COG5: variants seen among roughly 807,000 people sequenced by gnomAD.
COG5 encodes conserved oligomeric Golgi complex subunit 5.
In COG5, 86 loss-of-function variants were observed where a neutral mutation model predicts 110.4. The observed-to-expected ratio is 0.78, with a 90% CI of 0.65 to 0.93. COG5 has a LOEUF of 0.93. COG5 is among the 40% of genes least tolerant of loss of function. The pLI is 0.00. For missense variants in COG5, 1,077 were observed against 987.0 expected, an observed-to-expected ratio of 1.09 and a Z score of -1.22; for synonymous variants, 360 against 334.6, an observed-to-expected ratio of 1.08 and a Z score of -0.83.
At chr7:107,305,170 A>T (rs750601179) in intron 11 of COG5, among the ~76,000 whole-genome samples, 5 of 152,220 alleles carry the variant, frequency 3.3e-5, no homozygotes, top group Non-Finnish European at 7.3e-5. Context: ...CAGATAGAAG[A>T]AACAGCAAAT....
At chr7:107,411,874 T>A (rs79644405) in intron 7 of COG5, among the ~76,000 whole-genome samples, 2,308 of 152,224 alleles carry the variant, frequency 0.015, 63 homozygotes, top group African/African-American at 0.051. Context: ...TATCTGGGTA[T>A]AATACAAGGG....
chr7:107,254,340 C>A (rs1015599843), intron 16 of COG5, among the ~76,000 whole-genome samples: 4 of 152,022 alleles, frequency 2.6e-5, no homozygotes, highest in African/African-American at 9.7e-5. Context: ...TATTAAATTT[C>A]CAACAATTTT....
chr7:107,221,138 G>A (rs1799893360), intron 19 of COG5, among the ~76,000 whole-genome samples: 1 of 152,014 alleles, frequency 6.6e-6, no homozygotes. Flanking sequence ...CTTCTGTCCT[G>A]CTGTCCCTGG....
intron 6 of COG5, among the ~76,000 whole-genome samples, chr7:107,506,215 C>T (rs923965663): frequency 1.3e-5 from 2 of 152,130 alleles, no homozygotes; most frequent in Non-Finnish European, 2.9e-5. Flanking sequence ...TGTTAGTTGG[C>T]CTCCAGCCAG....
Position 107,415,927 on chromosome 7 carries a change from C to T in COG5, c.539-3295G>A, listed in dbSNP as rs377160965. Among the ~76,000 whole-genome samples, 180 of 76,700 alleles carry T rather than the reference C, an allele frequency of 2.3e-3. 38 individuals are homozygous for T. Among genetic ancestry groups the T allele is most frequent in the African/African-American group, 7.8e-3 (163 of 20,814 alleles). 50.3% of individuals were successfully genotyped at this position (76,700 alleles called of 152,430 possible). ...GTATGTATGTATGTGTGTGTATATA[C>T]ACACACATACACGTATGTATGTATG... On this transcript the variant is annotated intron_variant, in intron 6 of 21. Coordinates refer to ENST00000297135, the MANE Select transcript of COG5 (RefSeq NM_006348.5).
At chr7:107,541,523 A>AAAAAATATATATAT (rs60423657) in intron 5 of COG5, among the ~76,000 whole-genome samples, 14 of 57,012 alleles carry the variant, frequency 2.5e-4, no homozygotes, top group East Asian at 5.2e-4. Flanking sequence ...AAAAAAAAAA[A>AAAAAATATATATAT]ATATATATAT....
chr7:107,292,209 T>C (rs1806233210), intron 12 of COG5, among the ~76,000 whole-genome samples: 1 of 152,114 alleles, frequency 6.6e-6, no homozygotes, highest in African/African-American at 2.4e-5. Context: ...GTTAACTTTT[T>C]TATTTTTTGT....
intron 7 of COG5, among the ~76,000 whole-genome samples, chr7:107,377,816 A>C (rs532615757): frequency 6.6e-6 from 1 of 152,264 alleles, no homozygotes; most frequent in East Asian, 1.9e-4. Flanking sequence ...TATAGGTAAA[A>C]CTCCCATCTC....
intron 12 of COG5, among the ~76,000 whole-genome samples, chr7:107,291,233 G>A (rs1214644252): frequency 6.6e-6 from 1 of 151,994 alleles, no homozygotes; most frequent in African/African-American, 2.4e-5. Flanking sequence ...TTGAGGCTCT[G>A]TTTATTTTCT....
At chr7:107,285,326 C>T (rs957725191) in intron 12 of COG5, among the ~76,000 whole-genome samples, 1 of 152,174 alleles carries the variant, frequency 6.6e-6, no homozygotes, top group African/African-American at 2.4e-5. Flanking sequence ...TATTTTTACT[C>T]ATGACATCTA....
Position 107,298,136 on chromosome 7 carries a change from A to G in COG5, c.1313+6T>C. On this transcript the variant is annotated splice_donor_region_variant and intron_variant, in intron 12 of 21. Coordinates refer to ENST00000297135, the MANE Select transcript of COG5 (RefSeq NM_006348.5). ...CCAACTAACAGGTCAAATTAAACAAACATACTCATAATCTGGCTTTTTTGG... is the reference window on the plus strand; with the variant it reads ...CCAACTAACAGGTCAAATTAAACAAGCATACTCATAATCTGGCTTTTTTGG... 1 of 1,516,376 alleles carries G rather than the reference A, an allele frequency of 6.6e-7. No individual in the cohort carries two copies. 93.9% of individuals were successfully genotyped at this position (1,516,376 alleles called of 1,614,324 possible). A position where few individuals can be genotyped will look rare whatever the true frequency, so the allele number is the denominator to read the frequency against.
At chr7:107,456,107 A>G (rs576926449) in intron 6 of COG5, among the ~76,000 whole-genome samples, 2 of 152,238 alleles carry the variant, frequency 1.3e-5, no homozygotes, top group East Asian at 1.9e-4. Flanking sequence ...CCCAGAGCAG[A>G]TATTTTAAAC....
At chr7:107,481,726 T>G (rs1478679427) in intron 6 of COG5, among the ~76,000 whole-genome samples, 2 of 152,178 alleles carry the variant, frequency 1.3e-5, no homozygotes, top group Non-Finnish European at 2.9e-5. Flanking sequence ...GCTTTGTCTT[T>G]TCTTTTGCTG....
intron 5 of COG5, among the ~76,000 whole-genome samples, chr7:107,541,524 A>ATATATATATATATATATATATATGTG (rs1563091342): frequency 7.2e-4 from 29 of 40,062 alleles, no homozygotes; most frequent in African/African-American, 3.4e-3. Flanking sequence ...AAAAAAAAAA[A>ATATATATATATATATATATATATGTG]TATATATATA....
At chr7:107,272,697 C>G (rs1422355550) in intron 14 of COG5, among the ~76,000 whole-genome samples, 1 of 151,978 alleles carries the variant, frequency 6.6e-6, no homozygotes, top group Non-Finnish European at 1.5e-5. Flanking sequence ...CAATTCCTGC[C>G]CTAAGGTATT....
intron 21 of COG5, chr7:107,208,819 C>T (rs1343192924): frequency 3.1e-5 from 31 of 985,366 alleles, no homozygotes; most frequent in Non-Finnish European, 3.6e-5. Flanking sequence ...GGCTCAGGGT[C>T]ACTTCTGGAA....
chr7:107,507,550 A>G (rs960500227), intron 6 of COG5, among the ~76,000 whole-genome samples: 3 of 143,682 alleles, frequency 2.1e-5, no homozygotes, highest in Non-Finnish European at 4.6e-5. Flanking sequence ...CTCGTGATCC[A>G]CCCGCCTCAG....
At chr7:107,360,540 T>C (rs1813020527) in intron 10 of COG5, among the ~76,000 whole-genome samples, 1 of 152,188 alleles carries the variant, frequency 6.6e-6, no homozygotes, top group Non-Finnish European at 1.5e-5. Context: ...TTGTGACACC[T>C]TCTTTGGGAT....
intron 8 of COG5, among the ~76,000 whole-genome samples, chr7:107,372,111 G>T (rs1290552744): frequency 6.6e-6 from 1 of 152,062 alleles, no homozygotes; most frequent in East Asian, 1.9e-4. Context: ...GTTTTCTTTA[G>T]ACTTTACTAC....
Sources: allele counts gnomAD v4.1 joint callset (sites outside exome capture counted in the v4.1 genomes callset), GRCh38; gene constraint gnomAD v4.1.1; transcripts MANE v1.5; gene names NCBI Gene and HGNC (gene_info 2026-07-23, HGNC 2026-07-21).